The following KIF16B variants were observed in gnomAD, a reference collection of about 807,000 sequenced individuals.
KIF16B encodes kinesin family member 16B.
A neutral mutation model predicts 156.3 loss-of-function variants in KIF16B; 98 were observed. The observed-to-expected ratio is 0.63, with a 90% CI of 0.53 to 0.74. The LOEUF is 0.74. KIF16B is among the 30% of genes least tolerant of loss of function. KIF16B has a pLI of 0.00. For missense variants in KIF16B, 1,421 were observed against 1,606.5 expected, an observed-to-expected ratio of 0.88 and a Z score of 1.97; for synonymous variants, 564 against 583.7, an observed-to-expected ratio of 0.97 and a Z score of 0.49.
At chr20:16,459,806 T>C (rs1437242768) in intron 12 of KIF16B, among the ~76,000 whole-genome samples, 4 of 152,176 alleles carry the variant, frequency 2.6e-5, no homozygotes, top group African/African-American at 9.6e-5. Flanking sequence ...AAGAATCTCA[T>C]ATGAGTGAAA....
chr20:16,278,753 G>T (rs1436190821), intron 25 of KIF16B, among the ~76,000 whole-genome samples: 1 of 152,170 alleles, frequency 6.6e-6, no homozygotes, highest in South Asian at 2.1e-4. Context: ...GGGGGATGTG[G>T]TGATATGAGA....
At chr20:16,492,812 T>A (rs1332422564) in intron 12 of KIF16B, among the ~76,000 whole-genome samples, 1 of 152,076 alleles carries the variant, frequency 6.6e-6, no homozygotes, top group African/African-American at 2.4e-5. Context: ...TAGCTAACGG[T>A]TTGATTTCTT....
At chr20:16,320,118 A>G (rs1356688714) in intron 24 of KIF16B, among the ~76,000 whole-genome samples, 1 of 151,982 alleles carries the variant, frequency 6.6e-6, no homozygotes, top group Non-Finnish European at 1.5e-5. Context: ...ATTTTAAAAG[A>G]CTCCAGGAAA....
intron 6 of KIF16B, among the ~76,000 whole-genome samples, chr20:16,508,702 A>G (rs1455918971): frequency 6.6e-6 from 1 of 152,130 alleles, no homozygotes; most frequent in Admixed American, 6.5e-5. Context: ...ATGGACCAGT[A>G]CCAGTCTGCA....
At chr20:16,519,894 G>A (rs1384470147) in intron 3 of KIF16B, among the ~76,000 whole-genome samples, 1 of 152,168 alleles carries the variant, frequency 6.6e-6, no homozygotes, top group Non-Finnish European at 1.5e-5. Flanking sequence ...GTTGAGCACC[G>A]CCTCACCCCG....
intron 25 of KIF16B, among the ~76,000 whole-genome samples, chr20:16,274,730 T>C (rs2063035126): frequency 6.6e-6 from 1 of 152,220 alleles, no homozygotes. Flanking sequence ...CAGTTTTGAG[T>C]GTCACATAGG....
chr20:16,506,269 T>A, intron 7 of KIF16B, 79 bp from the exon 8 acceptor site: 1 of 1,221,186 alleles, frequency 8.2e-7, no homozygotes, highest in Non-Finnish European at 1.2e-6. Context: ...CTAACTATTT[T>A]CTGCTCCTCA....
chr20:16,518,863 C>T (rs2069232809), intron 3 of KIF16B, among the ~76,000 whole-genome samples: 1 of 152,104 alleles, frequency 6.6e-6, no homozygotes, highest in Admixed American at 6.5e-5. Flanking sequence ...CTAGCATCTT[C>T]CCCTATTTAT....
At chr20:16,309,374 C>T (rs889300532) in intron 25 of KIF16B, among the ~76,000 whole-genome samples, 9 of 152,104 alleles carry the variant, frequency 5.9e-5, no homozygotes, top group Non-Finnish European at 1.3e-4. Flanking sequence ...GTTACAATTT[C>T]CAGCCCCTAC....
At chr20:16,310,340 C>A (rs1042624314) in intron 25 of KIF16B, among the ~76,000 whole-genome samples, 2 of 152,232 alleles carry the variant, frequency 1.3e-5, no homozygotes, top group Non-Finnish European at 2.9e-5. Context: ...GCCAAAAGGA[C>A]AAACACAGGT....
chr20:16,497,658 G>C lies in KIF16B; in HGVS notation c.1197C>G (p.Pro399=). 6.2e-7 allele frequency: 1 copy of C among 1,610,836 alleles called. No individual in the cohort carries two copies. The highest frequency in any genetic ancestry group is 8.5e-7 in the Non-Finnish European group (1 of 1,177,290). Residue 399 remains proline, a synonymous_variant, in exon 11 of 26, where the codon CCC becomes CCG. Coordinates refer to ENST00000354981, the MANE Select transcript of KIF16B (RefSeq NM_024704.5). ...QGNQIALLDS[P]TALSMEEKLQ... is the part of the protein sequence containing the mutation. ...GTTTTTCCTCCATACTTAAAGCTGT[G>C]GGGGAGTCTAAGAGGGCAATCTACA...
At chr20:16,485,554 T>TACA (rs2068089995) in intron 12 of KIF16B, among the ~76,000 whole-genome samples, 1 of 114,684 alleles carries the variant, frequency 8.7e-6, no homozygotes, top group African/African-American at 2.9e-5. Flanking sequence ...TATGGATAGT[T>TACA]ACAACACATG....
chr20:16,285,370 A>G (rs749363371), intron 25 of KIF16B, among the ~76,000 whole-genome samples: 16 of 152,232 alleles, frequency 1.1e-4, no homozygotes, highest in Non-Finnish European at 1.9e-4. Context: ...TTGTTTGTAC[A>G]TGCATGTGTA....
intron 23 of KIF16B, among the ~76,000 whole-genome samples, chr20:16,340,695 T>C (rs926815445): frequency 6.6e-6 from 1 of 152,234 alleles, no homozygotes; most frequent in Non-Finnish European, 1.5e-5. Flanking sequence ...CTTTGTTGCT[T>C]TCACAGCTAA....
At chr20:16,543,911 T>C (rs974755821) in intron 1 of KIF16B, among the ~76,000 whole-genome samples, 4 of 152,134 alleles carry the variant, frequency 2.6e-5, no homozygotes, top group Admixed American at 2.6e-4. Context: ...AGGAACTCAG[T>C]AAGCGATCAA....
At chr20:16,479,008 T>G (rs994506543) in intron 12 of KIF16B, among the ~76,000 whole-genome samples, 3 of 152,320 alleles carry the variant, frequency 2.0e-5, no homozygotes, top group Admixed American at 2.0e-4. Context: ...CTAAGAAGAT[T>G]CATGGCAGCA....
chr20:16,415,989 T>C (rs1219919398), intron 15 of KIF16B, among the ~76,000 whole-genome samples: 3 of 152,322 alleles, frequency 2.0e-5, no homozygotes, highest in Non-Finnish European at 4.4e-5. Context: ...TTTATTCATA[T>C]GTTTCTTGAC....
At chr20:16,425,849 T>C (rs561705679) in intron 15 of KIF16B, among the ~76,000 whole-genome samples, 1 of 152,270 alleles carries the variant, frequency 6.6e-6, no homozygotes, top group African/African-American at 2.4e-5. Flanking sequence ...ATGTAATTTA[T>C]GGAGAAAAGA....
At chr20:16,292,252 G>T (rs560052851) in intron 25 of KIF16B, among the ~76,000 whole-genome samples, 1 of 152,272 alleles carries the variant, frequency 6.6e-6, no homozygotes, top group East Asian at 1.9e-4. Flanking sequence ...ATGGATGGTA[G>T]CTTTACATGG....
Sources: gnomAD v4.1 joint callset for allele counts (sites outside exome capture counted in the v4.1 genomes callset) on GRCh38, gnomAD v4.1.1 for gene constraint, MANE v1.5 for transcripts, NCBI Gene and HGNC (gene_info 2026-07-23, HGNC 2026-07-21) for gene names.